TMEM164: variants seen among roughly 807,000 people sequenced by gnomAD.
The protein encoded by TMEM164 is RP13-360B22.2.
Under a neutral mutation model 18.8 loss-of-function variants are expected in TMEM164, and 4 were observed. The ratio of observed to expected loss-of-function variants is 0.21; its 90% CI spans 0.10 to 0.49. TMEM164 has a LOEUF of 0.49. Ranked by LOEUF, TMEM164 falls within the 20% of genes least tolerant of loss-of-function variation. The pLI, the probability that TMEM164 is intolerant of heterozygous loss-of-function variation, is 0.98. For synonymous variants in TMEM164, 86 were observed against 101.7 expected (o/e 0.85, Z 0.93); for missense variants, 108 against 239.9 (o/e 0.45, Z 3.63).
chrX:110,168,214 G>A (rs1242008025), intron 5 of TMEM164, among the ~76,000 whole-genome samples: 2 of 112,946 alleles, frequency 1.8e-5, no homozygotes, highest in Non-Finnish European at 3.8e-5. Context: ...CCGCAGCCAG[G>A]GTGACAACAC....
chrX:110,018,366 C>CAA (rs1340655759), intron 2 of TMEM164, among the ~76,000 whole-genome samples: 2 of 111,841 alleles, frequency 1.8e-5, no homozygotes, highest in Non-Finnish European at 3.8e-5. Flanking sequence ...AGCTGGTTGA[C>CAA]AAAACTGAGT....
chrX:110,091,107 T>C (rs1326455973), intron 3 of TMEM164, among the ~76,000 whole-genome samples: 1 of 111,698 alleles, frequency 9.0e-6, no homozygotes, highest in African/African-American at 3.3e-5. Flanking sequence ...CAGTCTATCA[T>C]TGATGGACAT....
intron 5 of TMEM164, among the ~76,000 whole-genome samples, chrX:110,145,348 A>AGTG (rs1175421980): frequency 9.0e-6 from 1 of 111,571 alleles, no homozygotes; most frequent in Middle Eastern, 4.2e-3. Context: ...CAGGTGAAAG[A>AGTG]GTGGTGGTCA....
At chrX:110,005,251 C>T (rs148006407) in intron 2 of TMEM164, among the ~76,000 whole-genome samples, 3,242 of 112,043 alleles carry the variant, frequency 0.029, 118 homozygotes, top group African/African-American at 0.1. Flanking sequence ...AGATTATTAT[C>T]TCCATTTTAC....
intron 6 of TMEM164, among the ~76,000 whole-genome samples, chrX:110,172,572 C>G (rs1223086835): frequency 9.0e-6 from 1 of 111,564 alleles, no homozygotes; most frequent in African/African-American, 3.3e-5. Context: ...AGTTCACACC[C>G]TTACCACTTG....
intron 3 of TMEM164, among the ~76,000 whole-genome samples, chrX:110,095,574 A>C (rs759594989): frequency 2.7e-5 from 3 of 111,657 alleles, no homozygotes; most frequent in African/African-American, 9.8e-5. Context: ...CTAGTTAGCC[A>C]TTCGTCTAAT....
chrX:110,012,624 A>AC (rs956328883), intron 2 of TMEM164, among the ~76,000 whole-genome samples: 1 of 111,048 alleles, frequency 9.0e-6, no homozygotes, highest in African/African-American at 3.3e-5. Flanking sequence ...CTACATGCTG[A>AC]CCCCCAGGGT....
chrX:110,113,593 G>A (rs2066321150), intron 4 of TMEM164, among the ~76,000 whole-genome samples: 1 of 112,027 alleles, frequency 8.9e-6, no homozygotes, highest in African/African-American at 3.2e-5. Context: ...ACTGATTAGT[G>A]TGTGTACTGG....
intron 3 of TMEM164, among the ~76,000 whole-genome samples, chrX:110,104,076 G>A (rs2066150349): frequency 8.9e-6 from 1 of 111,927 alleles, no homozygotes; most frequent in Admixed American, 9.5e-5. Flanking sequence ...AGACACTAGT[G>A]TATTTTATAG....
chrX:110,053,004 G>A (rs1017491733), intron 2 of TMEM164, among the ~76,000 whole-genome samples: 1 of 110,821 alleles, frequency 9.0e-6, no homozygotes, highest in African/African-American at 3.3e-5. Context: ...GCCCACCTTG[G>A]CCTCCCAAAG....
chrX:110,155,505 G>A (rs181498872), intron 5 of TMEM164, among the ~76,000 whole-genome samples: 57 of 109,771 alleles, frequency 5.2e-4, no homozygotes, highest in Middle Eastern at 4.6e-3. Context: ...CTTCCTCTGC[G>A]TCTTCCCATT....
At chrX:110,154,859 G>T (rs897338338) in intron 5 of TMEM164, among the ~76,000 whole-genome samples, 10 of 111,823 alleles carry the variant, frequency 8.9e-5, no homozygotes, top group African/African-American at 3.3e-4. Context: ...CTGGCATTTG[G>T]TCGAGTACCT....
intron 5 of TMEM164, among the ~76,000 whole-genome samples, chrX:110,169,490 C>T (rs2067201823): frequency 9.0e-6 from 1 of 111,197 alleles, no homozygotes; most frequent in African/African-American, 3.3e-5. Flanking sequence ...AGCCTCCCTG[C>T]CTCGACTCTG....
chrX:110,088,786 G>T (rs1239632085), intron 3 of TMEM164, among the ~76,000 whole-genome samples: 1 of 112,204 alleles, frequency 8.9e-6, no homozygotes, highest in African/African-American at 3.2e-5. Flanking sequence ...CTCTTTGAAA[G>T]TTCCTAGAGC....
chrX:110,090,993 T>C (rs778706370), intron 3 of TMEM164, among the ~76,000 whole-genome samples: 9 of 110,807 alleles, frequency 8.1e-5, no homozygotes, highest in African/African-American at 2.3e-4. Context: ...TTGTGGAGAA[T>C]GATGGTTTCC....
At chrX:110,170,582 A>G (rs1016066714) in intron 5 of TMEM164, among the ~76,000 whole-genome samples, 3 of 111,430 alleles carry the variant, frequency 2.7e-5, no homozygotes, top group Non-Finnish European at 5.7e-5. Flanking sequence ...GATACCCACA[A>G]CATCCTATAA....
At chrX:110,143,838 CGT>C (rs1376947970) in intron 4 of TMEM164, among the ~76,000 whole-genome samples, 1 of 108,268 alleles carries the variant, frequency 9.2e-6, no homozygotes, top group African/African-American at 3.4e-5. Context: ...TGTGTGTACA[CGT>C]GTGTGTGTAT....
At chrX:110,055,361 A>G (rs764807770) in intron 2 of TMEM164, 46 of 375,267 alleles carry the variant, frequency 1.2e-4, no homozygotes, top group South Asian at 7.8e-4. Context: ...ACCCTAGGAG[A>G]GGGTGCCATT....
chrX:110,131,418 A>T (rs181041400), intron 4 of TMEM164, among the ~76,000 whole-genome samples: 16 of 111,686 alleles, frequency 1.4e-4, no homozygotes, highest in African/African-American at 5.2e-4. Context: ...ACCTGTGCGG[A>T]TGAAGAACTG....
Sources: gnomAD v4.1 joint callset for allele counts (sites outside exome capture counted in the v4.1 genomes callset) on GRCh38, gnomAD v4.1.1 for gene constraint, MANE v1.5 for transcripts, NCBI Gene and HGNC (gene_info 2026-07-23, HGNC 2026-07-21) for gene names.